Variants in INVS observed in about 807,000 individuals in gnomAD.
INVS encodes the protein inversin, also known as inversion of embryo turning homolog.
Under a neutral mutation model 108.8 loss-of-function variants are expected in INVS, and 86 were observed. The observed-to-expected ratio is 0.79, with a 90% CI of 0.66 to 0.95. The LOEUF (loss-of-function observed/expected upper bound fraction) is 0.95. INVS is among the 40% of genes least tolerant of loss of function. The probability of loss-of-function intolerance (pLI) is 0.00; values close to 1 mark genes in which losing one functional copy is unlikely to be tolerated. For synonymous variants in INVS, 455 were observed against 473.5 expected, an observed-to-expected ratio of 0.96 and a Z score of 0.51; for missense variants, 1,169 against 1,297.4, an observed-to-expected ratio of 0.90 and a Z score of 1.52.
chr9:100,254,074 C>T (rs1175103420), intron 10 of INVS, among the ~76,000 whole-genome samples: 7 of 152,070 alleles, frequency 4.6e-5, no homozygotes, highest in Admixed American at 2.0e-4. Context: ...CTCTCCAGCA[C>T]CTGTTGTTTC....
At chr9:100,255,776 G>A (rs1832399816) in intron 10 of INVS, among the ~76,000 whole-genome samples, 1 of 152,152 alleles carries the variant, frequency 6.6e-6, no homozygotes, top group Non-Finnish European at 1.5e-5. Context: ...ACTTGATCAT[G>A]GTGGATAAGC....
intron 2 of INVS, among the ~76,000 whole-genome samples, chr9:100,111,748 A>T (rs1197258555): frequency 6.6e-6 from 1 of 152,208 alleles, no homozygotes; most frequent in South Asian, 2.1e-4. Context: ...GTTGCGGTGT[A>T]GATTGGACAA....
At chr9:100,239,366 C>A (rs186224508) in intron 5 of INVS, among the ~76,000 whole-genome samples, 5 of 152,070 alleles carry the variant, frequency 3.3e-5, no homozygotes, top group Admixed American at 1.3e-4. Flanking sequence ...GATACATGTC[C>A]GTTGCCATAA....
rs758542442 is a variant in INVS at position 100,292,741 on chromosome 9, T to C, written c.2484T>C (p.His828=). Residue 828 remains histidine (H), a synonymous_variant, in exon 14 of 17, where the codon CAT becomes CAC. Coordinates refer to ENST00000262457, the MANE Select transcript of INVS (RefSeq NM_014425.5). ...AVHAGQNPPH[H]RTPRNKVTQA... is the part of the protein sequence containing the mutation. ...ATGCTGGGCAGAATCCTCCCCACCA[T>C]CGTACACCAAGAAACAAAGTGACAC... The C allele has an allele frequency of 1.9e-6, 3 of 1,614,012 alleles. No individual in the cohort carries two copies. Among genetic ancestry groups the C allele is most frequent in the South Asian group, 1.1e-5 (1 of 91,074 alleles).
chr9:100,302,079 T>C lies in INVS; in HGVS notation c.*1405T>C, dbSNP rs1564198634. 6.4e-6 allele frequency: 4 copies of C among 628,334 alleles called. No homozygotes were observed. In the East Asian group the frequency reaches 8.3e-5, roughly 13 times the overall value. The allele number at this position is 628,334 out of a possible 1,614,324, so 38.9% of individuals were successfully genotyped here. A position where few individuals can be genotyped will look rare whatever the true frequency, so the allele number is the denominator to read the frequency against. ...TATCAGTGCAAAGAAAGAAGGTTCG[T>C]AAACTTCTTTAAAAGTTCAGCTTTA... is the stretch of plus-strand genomic sequence containing the variant. On this transcript the variant is annotated 3_prime_UTR_variant, in exon 17 of 17. Coordinates refer to ENST00000262457, the MANE Select transcript of INVS (RefSeq NM_014425.5).
chr9:100,220,858 C>G (rs545192812), intron 3 of INVS, among the ~76,000 whole-genome samples: 2 of 152,102 alleles, frequency 1.3e-5, no homozygotes, highest in East Asian at 3.9e-4. Context: ...CACCTGTAAT[C>G]TCAGCTATTC....
intron 3 of INVS, among the ~76,000 whole-genome samples, chr9:100,135,232 CG>C (rs1828187388): frequency 6.6e-6 from 1 of 152,136 alleles, no homozygotes; most frequent in South Asian, 2.1e-4. Flanking sequence ...TAAGGGAGGA[CG>C]GAACCAAGAA....
intron 16 of INVS, chr9:100,298,404 C>T: frequency 1.2e-6 from 1 of 834,168 alleles, no homozygotes; most frequent in East Asian, 1.2e-4. Context: ...GAAGAGAACA[C>T]TGAGAGCATG....
intron 3 of INVS, among the ~76,000 whole-genome samples, chr9:100,190,041 C>A (rs570930179): frequency 6.6e-6 from 1 of 152,116 alleles, no homozygotes; most frequent in African/African-American, 2.4e-5. Context: ...GTGTTTCTGT[C>A]CAACTCTGGG....
At chr9:100,252,610 T>A (rs1383658465) in intron 9 of INVS, among the ~76,000 whole-genome samples, 172 bp downstream of exon 9, 1 of 152,216 alleles carries the variant, frequency 6.6e-6, no homozygotes, top group Non-Finnish European at 1.5e-5. Context: ...CTCCACTTGT[T>A]GGGAGTTGCT....
intron 3 of INVS, among the ~76,000 whole-genome samples, chr9:100,196,587 T>A (rs1009872458): frequency 6.6e-6 from 1 of 151,884 alleles, no homozygotes; most frequent in Non-Finnish European, 1.5e-5. Flanking sequence ...GCCCAGCAGG[T>A]CCCTGAAAGG....
intron 16 of INVS, among the ~76,000 whole-genome samples, chr9:100,299,312 A>C (rs912551218): frequency 6.6e-6 from 1 of 152,152 alleles, no homozygotes; most frequent in African/African-American, 2.4e-5. Flanking sequence ...TAACCAGTTA[A>C]TGAATATTAT....
intron 12 of INVS, among the ~76,000 whole-genome samples, chr9:100,276,514 G>A (rs1486153812): frequency 2.0e-5 from 3 of 151,808 alleles, no homozygotes; most frequent in African/African-American, 4.8e-5. Context: ...ACAAACCCTC[G>A]TTCTTCTTTT....
At chr9:100,290,886 T>C (rs1471370147) in intron 13 of INVS, among the ~76,000 whole-genome samples, 1 of 152,040 alleles carries the variant, frequency 6.6e-6, no homozygotes, top group Non-Finnish European at 1.5e-5. Flanking sequence ...AATTGTTTTT[T>C]TGTTTTATTT....
intron 3 of INVS, among the ~76,000 whole-genome samples, chr9:100,127,781 A>G (rs761407330): frequency 1.3e-5 from 2 of 152,216 alleles, no homozygotes; most frequent in Non-Finnish European, 2.9e-5. Flanking sequence ...TTTGGTTTTT[A>G]TTATAGTAAT....
At chr9:100,160,811 C>T (rs978457395) in intron 3 of INVS, among the ~76,000 whole-genome samples, 1 of 151,972 alleles carries the variant, frequency 6.6e-6, no homozygotes, top group African/African-American at 2.4e-5. Flanking sequence ...CAAAGTTAGC[C>T]GGGCATGGTG....
intron 12 of INVS, among the ~76,000 whole-genome samples, chr9:100,275,076 A>T (rs1833074290): frequency 6.6e-6 from 1 of 152,216 alleles, no homozygotes; most frequent in African/African-American, 2.4e-5. Context: ...AGTAGATGGC[A>T]TCCGAGGAAA....
intron 11 of INVS, among the ~76,000 whole-genome samples, chr9:100,269,117 T>C (rs1832874777): frequency 6.6e-6 from 1 of 152,228 alleles, no homozygotes; most frequent in Admixed American, 6.5e-5. Context: ...GATATATGTG[T>C]TGTGGAAGGT....
intron 3 of INVS, among the ~76,000 whole-genome samples, chr9:100,179,890 G>A (rs978146531): frequency 6.6e-5 from 10 of 152,078 alleles, no homozygotes; most frequent in Non-Finnish European, 1.2e-4. Flanking sequence ...CACATAATTG[G>A]AAGTAAAACA....
Sources: gnomAD v4.1 joint callset for allele counts (sites outside exome capture counted in the v4.1 genomes callset) on GRCh38, gnomAD v4.1.1 for gene constraint, MANE v1.5 for transcripts, NCBI Gene and HGNC (gene_info 2026-07-23, HGNC 2026-07-21) for gene names.